WSB1: variants seen among roughly 807,000 people sequenced by gnomAD.
WSB1 encodes WD repeat and SOCS box containing 1, also known as WD repeat and SOCS box-containing protein 1.
A neutral mutation model predicts 50.2 loss-of-function variants in WSB1; 23 were observed. That is an observed-to-expected ratio of 0.46 (90% CI 0.33 to 0.65). WSB1 has a LOEUF of 0.65. WSB1 is among the 30% of genes least tolerant of loss of function. The pLI is 0.02. For missense variants in WSB1, 492 were observed against 522.3 expected, an observed-to-expected ratio of 0.94 and a Z score of 0.56; for synonymous variants, 179 against 172.0, an observed-to-expected ratio of 1.04 and a Z score of -0.32.
At position 27,312,781 on chromosome 17, in the gene WSB1, C is replaced by T. The variant is rs114916240; in HGVS notation, c.*412C>T. 2,321 of 153,912 alleles carry T rather than the reference C, an allele frequency of 0.015. 63 individuals carry two copies. The highest frequency in any genetic ancestry group is 0.053 in the African/African-American group (2,178 of 41,190). 9.5% of individuals were successfully genotyped at this position (153,912 alleles called of 1,614,324 possible). On this transcript the variant is annotated 3_prime_UTR_variant, in exon 9 of 9. Transcript: ENST00000262394. Reference sequence around the variant, plus strand: ...GAGTTAGATGGTAAATACTGACTTACGAAAGTTGAATTGGGTGAGGCGGGC... The same window carrying T: ...GAGTTAGATGGTAAATACTGACTTATGAAAGTTGAATTGGGTGAGGCGGGC...
In WSB1 at chr17:27,309,264, G is replaced by A; in HGVS notation, c.876G>A (p.Met292Ile). The change falls in exon 6 of 9, where the codon ATG becomes ATA. Residue 292 changes from methionine (M) to isoleucine (I), a missense_variant. Transcript: ENST00000262394. ...ATCCACATAATGGAGACATTCTGATGGAATTTGGGTGGGTACAGCATGAAT... is the reference window on the plus strand; with the variant it reads ...ATCCACATAATGGAGACATTCTGATAGAATTTGGGTGGGTACAGCATGAAT... Reference protein sequence around the residue: ...IWDPHNGDILMEFGHLFPPPT... With the variant: ...IWDPHNGDILIEFGHLFPPPT... The A allele has an allele frequency of 6.2e-7, 1 of 1,603,062 alleles. No homozygotes were observed. The highest frequency in any genetic ancestry group is 8.5e-7 in the Non-Finnish European group (1 of 1,173,574).
At position 27,311,582 on chromosome 17, in the gene WSB1, G is replaced by C; in HGVS notation, c.1072G>C (p.Ala358Pro). The C allele has an allele frequency of 6.2e-7, 1 of 1,608,930 alleles. No individual in the cohort carries two copies. The highest frequency in any genetic ancestry group is 8.5e-7 in the Non-Finnish European group (1 of 1,178,688). Residue 358 changes from alanine to proline, a missense_variant, in exon 8 of 9, where the codon GCC (alanine) becomes CCC (proline). By Grantham distance (27) the Ala-to-Pro change is conservative. Coordinates refer to ENST00000262394, the MANE Select transcript of WSB1 (RefSeq NM_015626.10). The part of the protein sequence containing the change: ...VAPLSNGLCC[A>P]FSTDGSVLAA... The stretch of plus-strand genomic sequence containing the variant: ...ACCTTTGAGCAATGGTCTTTGCTGT[G>C]CCTTCTCTACTGATGGCAGTGTTTT...
In WSB1 at chr17:27,314,091, G is replaced by C. The variant is rs1483509981; in HGVS notation, c.*1722G>C. On this transcript the variant is annotated 3_prime_UTR_variant, in exon 9 of 9. Transcript: ENST00000262394. Reference sequence around the variant, plus strand: ...TTTGGAAGTTCCTATGGTTAGCTCTGTTAAGGAATGTAAAAATTTATAGGG... The same window carrying C: ...TTTGGAAGTTCCTATGGTTAGCTCTCTTAAGGAATGTAAAAATTTATAGGG... 6.6e-6 allele frequency: 1 copy of C among 152,136 alleles called. No individual in the cohort carries two copies. Among genetic ancestry groups the C allele is most frequent in the African/African-American group, 2.4e-5 (1 of 41,424 alleles). The allele number at this position is 152,136 out of a possible 1,614,324, so 9.4% of individuals were successfully genotyped here. A position where few individuals can be genotyped will look rare whatever the true frequency, so the allele number is the denominator to read the frequency against.
chr17:27,309,881 A>G (rs369065282), intron 6 of WSB1, among the ~76,000 whole-genome samples, 180 bp from the exon 7 acceptor site: 1 of 152,190 alleles, frequency 6.6e-6, no homozygotes, highest in African/African-American at 2.4e-5. Flanking sequence ...GCGCCCGACC[A>G]TAAAAGATTA....
At chr17:27,311,362 G>T (rs1433451947) in intron 7 of WSB1, 147 bp from the exon 8 acceptor site, 6 of 561,948 alleles carry the variant, frequency 1.1e-5, no homozygotes, top group Non-Finnish European at 1.8e-5. Context: ...TTTTGTAATT[G>T]TATAAAGCAA....
intron 1 of WSB1, 118 bp downstream of exon 1, chr17:27,294,553 C>A (rs531043195): frequency 2.8e-6 from 4 of 1,433,210 alleles, no homozygotes; most frequent in Non-Finnish European, 3.8e-6. Context: ...GCGCCAGGGC[C>A]AGCCCACTAG....
intron 1 of WSB1, among the ~76,000 whole-genome samples, chr17:27,300,297 T>G (rs924747189): frequency 2.0e-5 from 3 of 152,118 alleles, no homozygotes; most frequent in African/African-American, 7.2e-5. Context: ...TAAAAATATA[T>G]TATTATACAG....
chr17:27,298,388 T>C (rs1255786850), intron 1 of WSB1, among the ~76,000 whole-genome samples: 1 of 152,084 alleles, frequency 6.6e-6, no homozygotes, highest in Non-Finnish European at 1.5e-5. Flanking sequence ...GCTTTAAAAA[T>C]GTTTTCAAAG....
At position 27,301,932 on chromosome 17, in the gene WSB1, C is replaced by T. The variant is rs747441696; in HGVS notation, c.185C>T (p.Pro62Leu). The change falls in exon 2 of 9, where the codon CCG becomes CTG. Residue 62 changes from proline to leucine, a missense_variant. By Grantham distance (98) the Pro-to-Leu change is moderately conservative. Coordinates refer to ENST00000262394, the MANE Select transcript of WSB1 (RefSeq NM_015626.10). ...GGACATCGCACAGTAAAGCTTGTTC[C>T]GTGGTCCCAGTGCCTTCAGAACTTG... ...SQGHRTVKLVPWSQCLQNFLL... is the reference protein window; with the variant it reads ...SQGHRTVKLVLWSQCLQNFLL... 1.1e-5 allele frequency: 18 copies of T among 1,598,898 alleles called. No homozygotes were observed. The highest frequency in any genetic ancestry group is 1.5e-5 in the Non-Finnish European group (18 of 1,173,966).
intron 1 of WSB1, among the ~76,000 whole-genome samples, chr17:27,300,824 G>T (rs145563087): frequency 6.6e-6 from 1 of 151,418 alleles, no homozygotes; most frequent in African/African-American, 2.4e-5. Flanking sequence ...CAAGAAGCTG[G>T]GATTACAGAC....
rs1348351994 is a variant in WSB1, at chr17:27,309,120, T to C, written c.732T>C (p.Asp244=). Reference sequence around the variant, plus strand: ...TGCAGGTTTTCCTTTGGAATATGGATAAATACACCATGATACGGAAACTAG... The same window carrying C: ...TGCAGGTTTTCCTTTGGAATATGGACAAATACACCATGATACGGAAACTAG... ...ASKAVFLWNM[D]KYTMIRKLEG... Residue 244 remains aspartate (D), a synonymous_variant, in exon 6 of 9, where the codon GAT becomes GAC. Coordinates refer to ENST00000262394, the MANE Select transcript of WSB1 (RefSeq NM_015626.10). The C allele has an allele frequency of 3.1e-6, 5 of 1,608,650 alleles. No homozygotes were observed. The South Asian group carries it at 5.5e-5, about 18-fold the overall frequency.
rs376837391 is a variant in WSB1, at chr17:27,310,204, T to C, written c.998+30T>C. On this transcript the variant is annotated intron_variant, in intron 7 of 8. Coordinates refer to ENST00000262394, the MANE Select transcript of WSB1 (RefSeq NM_015626.10). ...GTATGTGCATTATAGCTTGACTGACTTACTATTACCTTTTACATTCTTAAG... is the reference window on the plus strand; with the variant it reads ...GTATGTGCATTATAGCTTGACTGACCTACTATTACCTTTTACATTCTTAAG... 5.1e-5 allele frequency: 82 copies of C among 1,594,940 alleles called. 2 individuals carry two copies. In the Middle Eastern group the frequency reaches 1.3e-3, roughly 26 times the overall value.
At position 27,294,421 on chromosome 17, in the gene WSB1, A is replaced by G; in HGVS notation, c.26A>G (p.Asn9Ser). Reference sequence around the variant, plus strand: ...ATGGCCAGCTTTCCCCCGAGGGTCAACGAGAAAGAGATCGGTGAGGATTGG... The same window carrying G: ...ATGGCCAGCTTTCCCCCGAGGGTCAGCGAGAAAGAGATCGGTGAGGATTGG... MASFPPRVNEKEIVRLRTI... is the reference protein window; with the variant it reads MASFPPRVSEKEIVRLRTI... The change falls in exon 1 of 9, where the codon AAC becomes AGC. Residue 9 changes from asparagine (N) to serine (S), a missense_variant. Transcript: ENST00000262394. 6.2e-7 allele frequency: 1 copy of G among 1,613,740 alleles called. No homozygotes were observed. The highest frequency in any genetic ancestry group is 8.5e-7 in the Non-Finnish European group (1 of 1,179,760).
intron 5 of WSB1, 65 bp downstream of exon 5, chr17:27,306,947 T>G (rs2017488289): frequency 2.0e-6 from 3 of 1,485,056 alleles, no homozygotes; most frequent in Non-Finnish European, 2.8e-6. Flanking sequence ...CATAATCATT[T>G]TAAATCTAAG....
intron 2 of WSB1, chr17:27,303,024 TTTTG>T (rs373384903): frequency 4.8e-4 from 93 of 192,828 alleles, no homozygotes; most frequent in Admixed American, 3.9e-3. Flanking sequence ...TACTGGGTTT[TTTTG>T]TTTGTTTGTT....
intron 1 of WSB1, among the ~76,000 whole-genome samples, chr17:27,298,756 C>T (rs189125458): frequency 2.0e-5 from 3 of 152,022 alleles, no homozygotes; most frequent in Admixed American, 2.0e-4. Context: ...CCCAGCTACT[C>T]GGGAGGCTGA....
chr17:27,297,057 T>C (rs1053980469), intron 1 of WSB1: 9 of 152,238 alleles, frequency 5.9e-5, no homozygotes, highest in African/African-American at 1.7e-4. Context: ...AATGGCTCTA[T>C]TTCTTGAGTT....
rs878882322 is a variant in WSB1 at position 27,313,254 on chromosome 17, CT to C, written c.*900del. ...CAGGATATAACTAGAAAAAGGATGT[CT>C]TTTTTTTTTTTTTTACTCCCCCTCT... On this transcript the variant is annotated 3_prime_UTR_variant, in exon 9 of 9. Transcript: ENST00000262394. The C allele has an allele frequency of 0.095, 13,368 of 140,480 alleles. 1,290 individuals are homozygous for C. Among genetic ancestry groups the C allele is most frequent in the African/African-American group, 0.26 (9,937 of 38,822 alleles). 8.7% of individuals were successfully genotyped at this position (140,480 alleles called of 1,614,324 possible). A position where few individuals can be genotyped will look rare whatever the true frequency, so the allele number is the denominator to read the frequency against.
chr17:27,300,949 C>G (rs944758578), intron 1 of WSB1, among the ~76,000 whole-genome samples: 1 of 151,884 alleles, frequency 6.6e-6, no homozygotes, highest in Non-Finnish European at 1.5e-5. Context: ...GTGGCACTTT[C>G]TTGGCTTACT....
Sources: gnomAD v4.1 joint callset for allele counts (sites outside exome capture counted in the v4.1 genomes callset) on GRCh38, gnomAD v4.1.1 for gene constraint, MANE v1.5 for transcripts, NCBI Gene and HGNC (gene_info 2026-07-23, HGNC 2026-07-21) for gene names.